The following BRINP3 variants were observed in gnomAD, a reference collection of about 807,000 sequenced individuals.
The protein encoded by BRINP3 is BMP/retinoic acid inducible neural specific 3.
In BRINP3, 19 loss-of-function variants were observed where a neutral mutation model predicts 71.0. The observed-to-expected ratio is 0.27, with a 90% CI of 0.19 to 0.39. The LOEUF (loss-of-function observed/expected upper bound fraction) is 0.39, where lower values mean the gene tolerates loss of function less well. Ranked by LOEUF, BRINP3 falls within the 10% of genes least tolerant of loss-of-function variation. The probability of loss-of-function intolerance (pLI) is 1.00; values close to 1 mark genes in which losing one functional copy is unlikely to be tolerated. For missense variants in BRINP3, 959 were observed against 940.8 expected, an observed-to-expected ratio of 1.02 and a Z score of -0.25; for synonymous variants, 380 against 337.7, an observed-to-expected ratio of 1.13 and a Z score of -1.37.
chr1:190,403,351 G>A (rs1432559445), intron 2 of BRINP3, among the ~76,000 whole-genome samples: 1 of 152,110 alleles, frequency 6.6e-6, no homozygotes, highest in Non-Finnish European at 1.5e-5. Context: ...CCATTCTACT[G>A]GGTGAATCAC....
chr1:190,442,424 G>T (rs1558290144), intron 2 of BRINP3, among the ~76,000 whole-genome samples: 1 of 152,140 alleles, frequency 6.6e-6, no homozygotes, highest in Non-Finnish European at 1.5e-5. Context: ...ACTAATATCT[G>T]TTTAAATGAG....
intron 3 of BRINP3, among the ~76,000 whole-genome samples, chr1:190,267,165 G>A (rs562870636): frequency 6.6e-5 from 10 of 152,194 alleles, no homozygotes; most frequent in African/African-American, 2.4e-4. Context: ...TCAATAAATT[G>A]TAAACCTTAT....
At chr1:190,421,675 A>G (rs879668775) in intron 2 of BRINP3, among the ~76,000 whole-genome samples, 9 of 151,764 alleles carry the variant, frequency 5.9e-5, no homozygotes, top group Admixed American at 3.3e-4. Flanking sequence ...TATGTGATAG[A>G]TAGATTTGAA....
chr1:190,199,509 T>A (rs969650220), intron 6 of BRINP3, among the ~76,000 whole-genome samples: 2 of 152,062 alleles, frequency 1.3e-5, no homozygotes, highest in Admixed American at 1.3e-4. Flanking sequence ...TAGTTTAGTA[T>A]TATGCAGATA....
At chr1:190,455,835 C>T (rs971526684) in intron 1 of BRINP3, among the ~76,000 whole-genome samples, 23 of 152,066 alleles carry the variant, frequency 1.5e-4, no homozygotes, top group South Asian at 4.1e-4. Context: ...AGTAATAAGA[C>T]GTATAATCCC....
At chr1:190,205,400 T>C (rs955716625) in intron 6 of BRINP3, among the ~76,000 whole-genome samples, 1 of 152,040 alleles carries the variant, frequency 6.6e-6, no homozygotes, top group East Asian at 1.9e-4. Flanking sequence ...CAGACAACAG[T>C]TGATCTGCAA....
chr1:190,316,040 C>A (rs1450388204), intron 2 of BRINP3, among the ~76,000 whole-genome samples: 1 of 150,956 alleles, frequency 6.6e-6, no homozygotes, highest in Non-Finnish European at 1.5e-5. Flanking sequence ...TCCCCCCACC[C>A]CAAACAACTG....
intron 1 of BRINP3, among the ~76,000 whole-genome samples, chr1:190,455,494 A>G (rs1442266823): frequency 2.0e-5 from 3 of 152,152 alleles, no homozygotes; most frequent in African/African-American, 7.2e-5. Context: ...ATAGATATAT[A>G]TAGATATAGA....
chr1:190,430,189 G>GA (rs1324057205), intron 2 of BRINP3, among the ~76,000 whole-genome samples: 1 of 152,070 alleles, frequency 6.6e-6, no homozygotes, highest in Admixed American at 6.6e-5. Flanking sequence ...GTGAATCAGA[G>GA]AAAAAACATT....
intron 2 of BRINP3, among the ~76,000 whole-genome samples, chr1:190,425,229 T>C (rs1449610943): frequency 6.6e-6 from 1 of 151,742 alleles, no homozygotes; most frequent in Non-Finnish European, 1.5e-5. Context: ...TATAACAGTT[T>C]ACATAGATAT....
chr1:190,113,182 T>C (rs1168878340), intron 7 of BRINP3, among the ~76,000 whole-genome samples: 2 of 152,140 alleles, frequency 1.3e-5, no homozygotes, highest in Non-Finnish European at 2.9e-5. Flanking sequence ...ATTATAATCA[T>C]GGTAATAGTC....
chr1:190,453,201 G>GTATTT (rs1675741156), intron 2 of BRINP3, among the ~76,000 whole-genome samples: 1 of 37,856 alleles, frequency 2.6e-5, no homozygotes, highest in African/African-American at 7.8e-5. Flanking sequence ...AAAAACTTTA[G>GTATTT]TATTTTTTTT....
At chr1:190,249,129 G>C (rs16832217) in intron 4 of BRINP3, among the ~76,000 whole-genome samples, 21,004 of 151,600 alleles carry the variant, frequency 0.14, 1,901 homozygotes, top group South Asian at 0.26. Context: ...AACCCTGAGA[G>C]TACTGGAAGA....
intron 6 of BRINP3, among the ~76,000 whole-genome samples, chr1:190,200,877 G>A (rs983836591): frequency 6.6e-6 from 1 of 152,096 alleles, no homozygotes; most frequent in African/African-American, 2.4e-5. Context: ...AACCCAGGTG[G>A]ACTTATAAGT....
intron 2 of BRINP3, among the ~76,000 whole-genome samples, chr1:190,385,144 C>T (rs1670803676): frequency 6.6e-6 from 1 of 152,110 alleles, no homozygotes; most frequent in Admixed American, 6.6e-5. Context: ...AAAACCTAGG[C>T]ATTACCATTC....
intron 1 of BRINP3, among the ~76,000 whole-genome samples, chr1:190,469,818 G>T (rs1677009258): frequency 1.3e-5 from 2 of 150,988 alleles, no homozygotes; most frequent in African/African-American, 4.8e-5. Context: ...TATGCATAAG[G>T]TATTATATAG....
intron 2 of BRINP3, among the ~76,000 whole-genome samples, chr1:190,446,778 T>C (rs186337407): frequency 8.1e-4 from 123 of 152,150 alleles, no homozygotes; most frequent in South Asian, 1.7e-3. Flanking sequence ...TGAATACAGT[T>C]GGTTTTTGTC....
intron 7 of BRINP3, among the ~76,000 whole-genome samples, chr1:190,108,936 A>T (rs1160568277): frequency 2.0e-5 from 3 of 152,216 alleles, no homozygotes; most frequent in Admixed American, 2.0e-4. Context: ...AGCTGGCAGG[A>T]AGATAGAAAT....
chr1:190,349,164 A>G (rs189306463), intron 2 of BRINP3, among the ~76,000 whole-genome samples: 1 of 152,238 alleles, frequency 6.6e-6, no homozygotes, highest in East Asian at 1.9e-4. Flanking sequence ...CTGACACCAG[A>G]AAATGACAGC....
Sources: allele counts gnomAD v4.1 joint callset (sites outside exome capture counted in the v4.1 genomes callset), GRCh38; gene constraint gnomAD v4.1.1; transcripts MANE v1.5; gene names NCBI Gene and HGNC (gene_info 2026-07-23, HGNC 2026-07-21).